Variants in CHSY3 observed in about 807,000 individuals in gnomAD.
CHSY3 encodes the protein chondroitin sulfate synthase 3.
CHSY3 carries 35 observed loss-of-function variants against 67.2 expected under a neutral mutation model. The observed-to-expected ratio is 0.52, with a 90% CI of 0.40 to 0.69. CHSY3 has a LOEUF of 0.69. Among genes scored for constraint, CHSY3 ranks in the 30% least tolerant of loss-of-function variants. The probability of loss-of-function intolerance (pLI) is 0.00; values close to 1 mark genes in which losing one functional copy is unlikely to be tolerated. For synonymous variants in CHSY3, 474 were observed against 434.7 expected (o/e 1.09, Z -1.12); for missense variants, 1,069 against 1,138.5 (o/e 0.94, Z 0.88).
In CHSY3 at chr5:129,904,481, C is replaced by T. The variant is rs1277883117; in HGVS notation, c.-349C>T. On this transcript the variant is annotated 5_prime_UTR_variant, in exon 1 of 3. Coordinates refer to ENST00000305031, the MANE Select transcript of CHSY3 (RefSeq NM_175856.5). ...AGGCGCGCCACTGACAGGGTGGCAG[C>T]CTAGGAGCGGACGCGTTGCCGCCGC... The T allele has an allele frequency of 1.4e-5, 3 of 208,178 alleles. No individual in the cohort carries two copies. The highest frequency in any genetic ancestry group is 6.0e-5 in the Admixed American group (1 of 16,720). 12.9% of individuals were successfully genotyped at this position (208,178 alleles called of 1,614,324 possible).
chr5:129,917,009 TA>T (rs2149580017), intron 2 of CHSY3, among the ~76,000 whole-genome samples: 1 of 152,334 alleles, frequency 6.6e-6, no homozygotes, highest in African/African-American at 2.4e-5. Context: ...TTTATATATC[TA>T]TCCCTTGAAG....
intron 2 of CHSY3, among the ~76,000 whole-genome samples, chr5:130,036,570 G>T (rs4146658): frequency 0.54 from 81,598 of 151,844 alleles, 22,333 homozygotes; most frequent in East Asian, 0.67. Context: ...AAAAACAATA[G>T]AAGCAGGCTA....
chr5:129,978,585 G>T (rs1183514435), intron 2 of CHSY3, among the ~76,000 whole-genome samples: 1 of 152,082 alleles, frequency 6.6e-6, no homozygotes, highest in Non-Finnish European at 1.5e-5. Flanking sequence ...AACAGTTCTT[G>T]AGATCAAGGA....
At chr5:130,155,819 A>G (rs1359797804) in intron 2 of CHSY3, among the ~76,000 whole-genome samples, 1 of 152,208 alleles carries the variant, frequency 6.6e-6, no homozygotes, top group African/African-American at 2.4e-5. Context: ...AGTGGCATAC[A>G]TTAGTGAGAT....
At chr5:130,039,713 A>G (rs1016684644) in intron 2 of CHSY3, among the ~76,000 whole-genome samples, 6 of 152,032 alleles carry the variant, frequency 3.9e-5, no homozygotes, top group African/African-American at 1.4e-4. Flanking sequence ...CCTAGGCTCA[A>G]GTGATCCATG....
intron 2 of CHSY3, among the ~76,000 whole-genome samples, chr5:130,120,121 A>G (rs1437745024): frequency 6.6e-6 from 1 of 152,170 alleles, no homozygotes; most frequent in African/African-American, 2.4e-5. Context: ...TTAAAAATCT[A>G]CTAAAAAAGA....
chr5:130,180,348 G>A (rs1035421658), intron 2 of CHSY3, among the ~76,000 whole-genome samples: 13 of 151,938 alleles, frequency 8.6e-5, no homozygotes, highest in Admixed American at 7.9e-4. Context: ...TTTCTAAATA[G>A]CCTCATCAGT....
intron 2 of CHSY3, among the ~76,000 whole-genome samples, chr5:130,095,901 G>A (rs189823529): frequency 7.0e-4 from 107 of 152,308 alleles, no homozygotes; most frequent in African/African-American, 1.9e-3. Context: ...GACGCACTGC[G>A]GAGACTACAT....
intron 2 of CHSY3, among the ~76,000 whole-genome samples, chr5:130,004,953 A>G (rs1489246356): frequency 6.6e-6 from 1 of 152,190 alleles, no homozygotes; most frequent in East Asian, 1.9e-4. Context: ...AACTAAGTGA[A>G]TATTATTCAA....
intron 2 of CHSY3, among the ~76,000 whole-genome samples, chr5:130,152,234 G>C (rs1247214044): frequency 6.6e-6 from 1 of 152,170 alleles, no homozygotes; most frequent in Non-Finnish European, 1.5e-5. Context: ...AATAATAGCA[G>C]AATAGTTGAA....
At chr5:129,921,394 T>G (rs968097852) in intron 2 of CHSY3, among the ~76,000 whole-genome samples, 3 of 152,202 alleles carry the variant, frequency 2.0e-5, no homozygotes, top group Non-Finnish European at 4.4e-5. Flanking sequence ...AGGGATCCAC[T>G]AGATAAAGAG....
Position 129,975,574 on chromosome 5 carries a change from T to C in CHSY3, c.1086+67214T>C, listed in dbSNP as rs574076667. 2.6e-5 allele frequency among the ~76,000 whole-genome samples: 4 copies of C among 152,312 alleles called. No individual in the cohort carries two copies. The South Asian group carries it at 8.3e-4, about 32-fold the overall frequency. On this transcript the variant is annotated intron_variant, in intron 2 of 2. Coordinates refer to ENST00000305031, the MANE Select transcript of CHSY3 (RefSeq NM_175856.5). The stretch of plus-strand genomic sequence containing the variant: ...TCAAATATAAAACTTAAATAGAAAG[T>C]GCTTTACCTAATGTGATTATTTGAT...
intron 2 of CHSY3, among the ~76,000 whole-genome samples, chr5:130,150,469 T>C (rs540210844): frequency 6.6e-6 from 1 of 152,144 alleles, no homozygotes; most frequent in South Asian, 2.1e-4. Flanking sequence ...AAAATGTAAA[T>C]AGAAATAATA....
intron 2 of CHSY3, among the ~76,000 whole-genome samples, chr5:130,018,455 A>C (rs1307216909): frequency 6.6e-6 from 1 of 152,186 alleles, no homozygotes; most frequent in Non-Finnish European, 1.5e-5. Context: ...CTAGTAACTA[A>C]GACAATAAAT....
chr5:130,098,885 TTTAA>T (rs1158773481), intron 2 of CHSY3, among the ~76,000 whole-genome samples: 4 of 152,236 alleles, frequency 2.6e-5, no homozygotes, highest in East Asian at 1.9e-4. Context: ...GACAGTTGCC[TTTAA>T]TTATTAGTGT....
chr5:130,059,635 C>T lies in CHSY3; in HGVS notation c.1087-124594C>T, dbSNP rs781467044. On this transcript the variant is annotated intron_variant, in intron 2 of 2. Transcript: ENST00000305031. ...CCCTTTATCCATAAAATAAGAGTCC[C>T]AAGTTCCAGGGATTTGATATGAATA... Among the ~76,000 whole-genome samples the T allele has an allele frequency of 5.5e-4, 83 of 152,196 alleles. No individual in the cohort carries two copies. In the Middle Eastern group the frequency reaches 0.02, roughly 37 times the overall value.
At chr5:130,143,734 GTATA>G (rs372062970) in intron 2 of CHSY3, among the ~76,000 whole-genome samples, 2,832 of 94,604 alleles carry the variant, frequency 0.03, 79 homozygotes, top group South Asian at 0.065. Context: ...GTGTGTGTGT[GTATA>G]TATATATATA....
intron 2 of CHSY3, among the ~76,000 whole-genome samples, chr5:129,963,573 C>G (rs1762392808): frequency 1.3e-5 from 2 of 152,000 alleles, no homozygotes; most frequent in Non-Finnish European, 1.5e-5. Context: ...AGCTGCTTTT[C>G]ACAGTGCAGC....
intron 2 of CHSY3, among the ~76,000 whole-genome samples, chr5:130,119,060 C>G (rs911507049): frequency 2.0e-5 from 3 of 152,088 alleles, no homozygotes; most frequent in Non-Finnish European, 2.9e-5. Flanking sequence ...TATAAACAAA[C>G]ACTATCCTAG....
Sources: gnomAD v4.1 joint callset for allele counts (sites outside exome capture counted in the v4.1 genomes callset) on GRCh38, gnomAD v4.1.1 for gene constraint, MANE v1.5 for transcripts, NCBI Gene and HGNC (gene_info 2026-07-23, HGNC 2026-07-21) for gene names.